The following NBEA variants were observed in gnomAD, a reference collection of about 807,000 sequenced individuals.
NBEA encodes neurobeachin, also known as lysosomal-trafficking regulator 2.
Under a neutral mutation model 343.4 loss-of-function variants are expected in NBEA, and 44 were observed. The observed-to-expected ratio is 0.13, with a 90% confidence interval of 0.10 to 0.16. The LOEUF is 0.16. NBEA is among the 10% of genes least tolerant of loss of function. NBEA has a pLI of 1.00. For synonymous variants in NBEA, 1,175 were observed against 1,238.7 expected (o/e 0.95, Z 1.08); for missense variants, 2,555 against 3,631.3 (o/e 0.70, Z 7.62).
At chr13:35,480,362 C>A (rs890940864) in intron 41 of NBEA, among the ~76,000 whole-genome samples, 1 of 151,918 alleles carries the variant, frequency 6.6e-6, no homozygotes, top group Admixed American at 6.6e-5. Context: ...TCGAAAAAAA[C>A]CTGATTTAAA....
chr13:35,242,000 G>A (rs570453355), intron 34 of NBEA, among the ~76,000 whole-genome samples: 2 of 151,926 alleles, frequency 1.3e-5, no homozygotes, highest in South Asian at 4.2e-4. Flanking sequence ...AACAAAAATA[G>A]TACAACGCAC....
At chr13:35,616,616 T>A (rs568603922) in intron 48 of NBEA, among the ~76,000 whole-genome samples, 83 of 152,328 alleles carry the variant, frequency 5.4e-4, no homozygotes, top group African/African-American at 1.9e-3. Context: ...GCCTGAAAAA[T>A]TGTATAATAC....
intron 1 of NBEA, among the ~76,000 whole-genome samples, chr13:35,010,590 A>G (rs2061450050): frequency 6.7e-6 from 1 of 148,992 alleles, no homozygotes; most frequent in Admixed American, 6.7e-5. Flanking sequence ...AAAAAAAAAA[A>G]AAAATAGATG....
intron 34 of NBEA, among the ~76,000 whole-genome samples, chr13:35,247,348 C>T (rs569987696): frequency 6.6e-6 from 1 of 152,158 alleles, no homozygotes; most frequent in Non-Finnish European, 1.5e-5. Context: ...CTGGAGGTTT[C>T]CTTCTCCCTG....
chr13:35,001,090 A>G (rs528232628), intron 1 of NBEA, among the ~76,000 whole-genome samples: 16 of 151,974 alleles, frequency 1.1e-4, no homozygotes, highest in Non-Finnish European at 1.6e-4. Flanking sequence ...GTGCTTGTCA[A>G]TGTGTCTGAT....
intron 48 of NBEA, among the ~76,000 whole-genome samples, chr13:35,618,664 G>T (rs2082845588): frequency 6.6e-6 from 1 of 152,152 alleles, no homozygotes; most frequent in Non-Finnish European, 1.5e-5. Context: ...TCCACATGAA[G>T]CTAGGCTTAT....
chr13:35,118,896 A>T (rs1445943867), intron 16 of NBEA, among the ~76,000 whole-genome samples: 3 of 152,018 alleles, frequency 2.0e-5, no homozygotes, highest in Non-Finnish European at 4.4e-5. Flanking sequence ...ATGAAAATTA[A>T]AGAATTTTGA....
intron 12 of NBEA, among the ~76,000 whole-genome samples, chr13:35,109,958 C>G (rs1008119985): frequency 6.8e-6 from 1 of 147,262 alleles, no homozygotes; most frequent in South Asian, 2.2e-4. Flanking sequence ...TGATTTTGAG[C>G]TATCTTTTAT....
intron 1 of NBEA, among the ~76,000 whole-genome samples, chr13:34,943,930 A>C (rs2059112234): frequency 6.6e-6 from 1 of 152,174 alleles, no homozygotes; most frequent in Non-Finnish European, 1.5e-5. Flanking sequence ...TGTATGACTT[A>C]ATGTTTTGCG....
At chr13:35,209,171 G>T (rs2073599833) in intron 32 of NBEA, among the ~76,000 whole-genome samples, 1 of 152,098 alleles carries the variant, frequency 6.6e-6, no homozygotes. Flanking sequence ...AGTTTGATAT[G>T]TAAAAATCAG....
intron 31 of NBEA, among the ~76,000 whole-genome samples, chr13:35,197,735 C>T (rs1312959522): frequency 6.6e-6 from 1 of 152,106 alleles, no homozygotes; most frequent in Non-Finnish European, 1.5e-5. Context: ...ACTCTGACCT[C>T]ATGATCCACC....
At chr13:35,000,001 A>G (rs963452037) in intron 1 of NBEA, among the ~76,000 whole-genome samples, 1 of 152,108 alleles carries the variant, frequency 6.6e-6, no homozygotes, top group Non-Finnish European at 1.5e-5. Context: ...ATACCTTTAT[A>G]TGTATTTAGA....
chr13:35,640,514 A>G (rs911989286), intron 49 of NBEA, among the ~76,000 whole-genome samples: 4 of 152,222 alleles, frequency 2.6e-5, no homozygotes, highest in Non-Finnish European at 5.9e-5. Flanking sequence ...GCCCTGACCT[A>G]TGAGAAAGAA....
At chr13:35,339,163 A>G (rs779551735) in intron 36 of NBEA, among the ~76,000 whole-genome samples, 4 of 152,106 alleles carry the variant, frequency 2.6e-5, no homozygotes, top group African/African-American at 4.8e-5. Context: ...TAGTTAATTA[A>G]GAAAACAAAA....
chr13:35,639,842 G>A (rs1258232485), intron 49 of NBEA, among the ~76,000 whole-genome samples: 1 of 151,576 alleles, frequency 6.6e-6, no homozygotes, highest in African/African-American at 2.4e-5. Flanking sequence ...AGACCAGGGA[G>A]ATGGATGAAT....
chr13:35,652,441 C>T (rs1300932388), intron 53 of NBEA, among the ~76,000 whole-genome samples: 1 of 151,096 alleles, frequency 6.6e-6, no homozygotes, highest in Non-Finnish European at 1.5e-5. Flanking sequence ...GAGATCGAGA[C>T]CATCCTGGCT....
Position 35,127,796 on chromosome 13 carries a change from C to T in NBEA, c.2336+4222C>T, listed in dbSNP as rs1454186466. Among the ~76,000 whole-genome samples, 20 of 151,896 alleles carry T rather than the reference C, an allele frequency of 1.3e-4. No homozygotes were observed. The East Asian group carries it at 3.7e-3, about 28-fold the overall frequency. ...ATAAAGCTTTCAAAATATTTAAGAT[C>T]TGTATGGATAAAACTAAGAACAATG... On this transcript the variant is annotated intron_variant, in intron 17 of 58. Coordinates refer to ENST00000379939, the MANE Select transcript of NBEA (RefSeq NM_001385012.1).
chr13:35,646,908 G>A (rs2084265139), intron 51 of NBEA, among the ~76,000 whole-genome samples: 1 of 152,142 alleles, frequency 6.6e-6, no homozygotes, highest in South Asian at 2.1e-4. Context: ...CTCTGTTTTT[G>A]CATTTCAGCA....
intron 45 of NBEA, among the ~76,000 whole-genome samples, chr13:35,577,615 ATT>A (rs557413570): frequency 0.11 from 16,079 of 151,822 alleles, 1,033 homozygotes; most frequent in African/African-American, 0.18. Context: ...TTTGCATAAA[ATT>A]TTTTTCTAAA....
Sources: allele counts gnomAD v4.1 joint callset (sites outside exome capture counted in the v4.1 genomes callset), GRCh38; gene constraint gnomAD v4.1.1; transcripts MANE v1.5; gene names NCBI Gene and HGNC (gene_info 2026-07-23, HGNC 2026-07-21).